The following GCC2 variants were observed in gnomAD, a reference collection of about 807,000 sequenced individuals.
GCC2 encodes GRIP and coiled-coil domain-containing protein 2.
A neutral mutation model predicts 210.6 loss-of-function variants in GCC2; 120 were observed. The observed-to-expected ratio is 0.57, with a 90% CI of 0.49 to 0.66. The LOEUF (loss-of-function observed/expected upper bound fraction) is 0.66, where lower values mean the gene tolerates loss of function less well. Ranked by LOEUF, GCC2 falls within the 30% of genes least tolerant of loss-of-function variation. The pLI, the probability that GCC2 is intolerant of heterozygous loss-of-function variation, is 0.00. For missense variants in GCC2, 1,868 were observed against 1,871.9 expected, an observed-to-expected ratio of 1.00 and a Z score of 0.04; for synonymous variants, 703 against 652.7, an observed-to-expected ratio of 1.08 and a Z score of -1.17.
chr2:108,458,897 TAA>T (rs1366625574), intron 4 of GCC2, among the ~76,000 whole-genome samples: 1 of 152,210 alleles, frequency 6.6e-6, no homozygotes, highest in Non-Finnish European at 1.5e-5. Context: ...CTGCCTTTTT[TAA>T]AAGTCTCTAT....
At chr2:108,490,716 C>T (rs1271479556) in intron 18 of GCC2, among the ~76,000 whole-genome samples, 1 of 152,056 alleles carries the variant, frequency 6.6e-6, no homozygotes, top group African/African-American at 2.4e-5. Flanking sequence ...TCATGTAAAC[C>T]AAAAGTTTCA....
At chr2:108,449,590 GA>G in intron 1 of GCC2, 42 bp from the exon 2 acceptor site, 1 of 1,585,396 alleles carries the variant, frequency 6.3e-7, no homozygotes, top group Non-Finnish European at 8.7e-7. Flanking sequence ...GTGGAATTAG[GA>G]AAAGAGTTCT....
chr2:108,450,874 T>A (rs866566265), intron 2 of GCC2, among the ~76,000 whole-genome samples, 154 bp from the exon 3 acceptor site: 3 of 152,270 alleles, frequency 2.0e-5, no homozygotes, highest in Middle Eastern at 3.4e-3. Flanking sequence ...AGAGCGAGAC[T>A]CTGTCTCAAA....
At chr2:108,474,367 C>T (rs1272681583) in intron 7 of GCC2, among the ~76,000 whole-genome samples, 4 of 152,120 alleles carry the variant, frequency 2.6e-5, no homozygotes. Context: ...GAAAGAAGTG[C>T]TTCAAGAGGG....
chr2:108,497,229 G>T, intron 21 of GCC2, 120 bp downstream of exon 21: 1 of 1,531,160 alleles, frequency 6.5e-7, no homozygotes, highest in Non-Finnish European at 9.0e-7. Flanking sequence ...CCATTCTCCT[G>T]CCTCAGCCTC....
At chr2:108,451,000 A>G (rs748566209) in intron 2 of GCC2, 28 bp from the exon 3 acceptor site, 4 of 1,473,108 alleles carry the variant, frequency 2.7e-6, no homozygotes, top group South Asian at 1.1e-5. Flanking sequence ...GAGTTATAAC[A>G]AGTTGGTAAC....
At position 108,452,561 on chromosome 2, in the gene GCC2, A is replaced by G; in HGVS notation, c.216+95A>G. 4 of 763,436 alleles carry G rather than the reference A, an allele frequency of 5.2e-6. No individual in the cohort carries two copies. In the East Asian group the frequency reaches 7.3e-5, roughly 14 times the overall value. 47.3% of individuals were successfully genotyped at this position (763,436 alleles called of 1,614,324 possible). A position where few individuals can be genotyped will look rare whatever the true frequency, so the allele number is the denominator to read the frequency against. On this transcript the variant is annotated intron_variant, in intron 4 of 22. Coordinates refer to ENST00000309863, the MANE Select transcript of GCC2 (RefSeq NM_181453.4). The stretch of plus-strand genomic sequence containing the variant: ...CTATCTGGCTTTCTGTTTCTGTTCT[A>G]CTTCCTCTCTGCCTTGGTTGTTTTT...
intron 19 of GCC2, 138 bp from the exon 20 acceptor site, chr2:108,495,153 C>A: frequency 1.9e-6 from 1 of 537,404 alleles, no homozygotes. Flanking sequence ...ATTCTTCATA[C>A]ACCTTTCACT....
At chr2:108,487,936 C>T (rs570703437) in intron 17 of GCC2, 116 bp downstream of exon 17, 8 of 1,029,276 alleles carry the variant, frequency 7.8e-6, no homozygotes, top group East Asian at 3.1e-5. Flanking sequence ...GACAGACTTT[C>T]GCTCTTGTTG....
intron 6 of GCC2, 51 bp from the exon 7 acceptor site, chr2:108,472,776 G>T: frequency 9.5e-7 from 1 of 1,052,670 alleles, no homozygotes; most frequent in Non-Finnish European, 1.4e-6. Context: ...AATGAATTCT[G>T]ATTCTGGTTT....
chr2:108,500,906 G>A (rs373693111), intron 22 of GCC2, among the ~76,000 whole-genome samples: 2 of 151,996 alleles, frequency 1.3e-5, no homozygotes, highest in Admixed American at 6.6e-5. Flanking sequence ...TGTTCATTTT[G>A]CCTGTGTTAT....
At chr2:108,499,945 T>G (rs2104512381) in intron 22 of GCC2, among the ~76,000 whole-genome samples, 191 bp downstream of exon 22, 1 of 152,366 alleles carries the variant, frequency 6.6e-6, no homozygotes, top group Admixed American at 6.5e-5. Flanking sequence ...TACATTTATA[T>G]AATTTTAACG....
rs1178397875 is a variant in GCC2 at position 108,507,742 on chromosome 2, A to G, written c.*112A>G. ...AGTGTGTATATATGTTTGCATCTAC[A>G]TATATTTGTACATCTATATGACAGA... On this transcript the variant is annotated 3_prime_UTR_variant, in exon 23 of 23. Coordinates refer to ENST00000309863, the MANE Select transcript of GCC2 (RefSeq NM_181453.4). 2.6e-5 allele frequency: 20 copies of G among 761,390 alleles called. No individual in the cohort carries two copies. The highest frequency in any genetic ancestry group is 5.3e-5 in the African/African-American group (3 of 56,380). The allele number at this position is 761,390 out of a possible 1,614,324, so 47.2% of individuals were successfully genotyped here. A position where few individuals can be genotyped will look rare whatever the true frequency, so the allele number is the denominator to read the frequency against.
In GCC2 at chr2:108,470,653, G is replaced by A. The variant is rs1681149550; in HGVS notation, c.1324G>A (p.Glu442Lys). ...TCAAAAAGAAATATCAGAACTAAAT[G>A]AGACATTTTTGTCAGATTCAGAAAA... ...QHQKEISELN[E>K]TFLSDSEKEK... is the part of the protein sequence containing the mutation. Residue 442 changes from glutamate to lysine, a missense_variant, in exon 6 of 23, where the codon GAG (glutamate) becomes AAG (lysine). Physicochemically the swap from Glu to Lys is moderately conservative, Grantham distance 56 (BLOSUM62 1). This residue lies in a region of GCC2 where 1,847 missense variants were observed against 1,765.2 expected (regional missense o/e 1.05). Coordinates refer to ENST00000309863, the MANE Select transcript of GCC2 (RefSeq NM_181453.4). The A allele has an allele frequency of 6.2e-7, 1 of 1,611,984 alleles. No individual in the cohort carries two copies. Among genetic ancestry groups the A allele is most frequent in the Non-Finnish European group, 8.5e-7 (1 of 1,178,816 alleles).
intron 9 of GCC2, among the ~76,000 whole-genome samples, chr2:108,480,630 C>T (rs774591309): frequency 4.6e-5 from 7 of 152,108 alleles, no homozygotes; most frequent in African/African-American, 1.2e-4. Context: ...AGCCACTATC[C>T]TTAGCAAATT....
intron 9 of GCC2, among the ~76,000 whole-genome samples, chr2:108,476,221 G>A (rs1160623219): frequency 2.0e-5 from 3 of 151,700 alleles, no homozygotes; most frequent in Non-Finnish European, 2.9e-5. Flanking sequence ...CACCATGCCC[G>A]GCCAGTTTTT....
In GCC2 at chr2:108,470,277, T is replaced by G. The variant is rs1477025570; in HGVS notation, c.948T>G (p.Cys316Trp). 1 of 1,613,462 alleles carries G rather than the reference T, an allele frequency of 6.2e-7. No individual in the cohort carries two copies. Among genetic ancestry groups the G allele is most frequent in the Non-Finnish European group, 8.5e-7 (1 of 1,179,754 alleles). The change falls in exon 6 of 23, where the codon TGT (cysteine) becomes TGG (tryptophan). Residue 316 changes from cysteine (C) to tryptophan (W), a missense_variant. Cys to Trp is a radical substitution (Grantham distance 215). Around this residue, in one of 3 missense-constraint regions of GCC2, gnomAD observed 1,847 missense variants for 1,765.2 expected, o/e 1.05. Coordinates refer to ENST00000309863, the MANE Select transcript of GCC2 (RefSeq NM_181453.4). ...TSNANQDNQI[C>W]SILLQENTFV... is the part of the protein sequence containing the mutation. ...ATGCAAACCAAGACAATCAGATATG[T>G]TCTATTCTCTTGCAAGAAAATACAT...
chr2:108,497,225 T>C (rs975734300), intron 21 of GCC2, 116 bp downstream of exon 21: 13 of 1,551,586 alleles, frequency 8.4e-6, no homozygotes, highest in Non-Finnish European at 8.9e-6. Context: ...CACGCCATTC[T>C]CCTGCCTCAG....
chr2:108,471,472 AAAG>A lies in GCC2; in HGVS notation c.2148_2150del (p.Glu716del), dbSNP rs553103180. ...GGATTTGGAGGTTTTTTTGTCTCAA[AAAG>A]AAGATGTTATCCTTAAAGAACATAT... On this transcript the variant is annotated inframe_deletion, in exon 6 of 23. Transcript: ENST00000309863. 774 of 1,610,280 alleles carry A rather than the reference AAAG, an allele frequency of 4.8e-4. No homozygotes were observed. Among genetic ancestry groups the A allele is most frequent in the Non-Finnish European group, 6.0e-4 (703 of 1,178,788 alleles).
Sources: gnomAD v4.1 joint callset for allele counts (sites outside exome capture counted in the v4.1 genomes callset) on GRCh38, gnomAD v4.1.1 for gene constraint, gnomAD v4.1.1 regional missense constraint, MANE v1.5 for transcripts, NCBI Gene and HGNC (gene_info 2026-07-23, HGNC 2026-07-21) for gene names.